MYO3B: variants seen among roughly 807,000 people sequenced by gnomAD.
MYO3B encodes myosin IIIB, also known as myosin-IIIb.
MYO3B carries 156 observed loss-of-function variants against 174.6 expected under a neutral mutation model. The ratio of observed to expected loss-of-function variants is 0.89; its 90% confidence interval spans 0.78 to 1.02. MYO3B has a LOEUF of 1.02. Among genes scored for constraint, MYO3B ranks in the 50% least tolerant of loss-of-function variants. The pLI, the probability that MYO3B is intolerant of heterozygous loss-of-function variation, is 0.00. For missense variants in MYO3B, 1,632 were observed against 1,639.4 expected, an observed-to-expected ratio of 1.00 and a Z score of 0.08; for synonymous variants, 563 against 569.1, an observed-to-expected ratio of 0.99 and a Z score of 0.15.
intron 32 of MYO3B, among the ~76,000 whole-genome samples, chr2:170,547,906 T>A (rs1405736133): frequency 1.3e-5 from 2 of 148,208 alleles, no homozygotes; most frequent in Non-Finnish European, 3.0e-5. Flanking sequence ...AGAGGGTGAG[T>A]TTGGGTGGTT....
intron 6 of MYO3B, among the ~76,000 whole-genome samples, chr2:170,232,084 C>T (rs545587646): frequency 2.6e-5 from 4 of 152,152 alleles, no homozygotes; most frequent in Admixed American, 6.5e-5. Flanking sequence ...TACTTGCCTT[C>T]GTCAGTCTCC....
At chr2:170,202,770 G>T (rs1025164798) in intron 3 of MYO3B, among the ~76,000 whole-genome samples, 1 of 152,092 alleles carries the variant, frequency 6.6e-6, no homozygotes, top group Non-Finnish European at 1.5e-5. Flanking sequence ...GCATGCTTTA[G>T]GGGACTCACA....
At chr2:170,227,695 A>G (rs538721491) in intron 6 of MYO3B, among the ~76,000 whole-genome samples, 4 of 152,182 alleles carry the variant, frequency 2.6e-5, no homozygotes, top group Non-Finnish European at 5.9e-5. Context: ...CTGGGTGAGG[A>G]CAGAAACCAC....
intron 7 of MYO3B, among the ~76,000 whole-genome samples, chr2:170,254,432 C>T (rs755398921): frequency 3.3e-5 from 5 of 152,130 alleles, no homozygotes; most frequent in South Asian, 4.2e-4. Flanking sequence ...CTGCGGGACT[C>T]GGGGGGGCGC....
intron 32 of MYO3B, among the ~76,000 whole-genome samples, chr2:170,613,211 A>G (rs1695228064): frequency 6.6e-6 from 1 of 152,156 alleles, no homozygotes. Context: ...AGAAGCATGA[A>G]AACAACCTCC....
chr2:170,554,426 T>C (rs1691143120), intron 32 of MYO3B, among the ~76,000 whole-genome samples: 1 of 152,166 alleles, frequency 6.6e-6, no homozygotes, highest in Non-Finnish European at 1.5e-5. Context: ...TCTGACTCTA[T>C]TGGAGGAGCT....
At chr2:170,298,365 A>G (rs1466618932) in intron 7 of MYO3B, among the ~76,000 whole-genome samples, 2 of 152,070 alleles carry the variant, frequency 1.3e-5, no homozygotes, top group Non-Finnish European at 2.9e-5. Flanking sequence ...TCTTAAACTA[A>G]AGGACTAGAA....
At chr2:170,633,459 A>T (rs1361504097) in intron 32 of MYO3B, among the ~76,000 whole-genome samples, 1 of 152,086 alleles carries the variant, frequency 6.6e-6, no homozygotes, top group African/African-American at 2.4e-5. Context: ...TAGGTATTCA[A>T]GGAACATATC....
chr2:170,441,590 T>A (rs533475157), intron 22 of MYO3B, among the ~76,000 whole-genome samples: 1 of 152,338 alleles, frequency 6.6e-6, no homozygotes, highest in South Asian at 2.1e-4. Context: ...TATGGTTATT[T>A]CTTGATTATA....
At chr2:170,458,835 A>C (rs1012828171) in intron 23 of MYO3B, among the ~76,000 whole-genome samples, 3 of 152,258 alleles carry the variant, frequency 2.0e-5, no homozygotes, top group Admixed American at 2.0e-4. Flanking sequence ...AATATACAAG[A>C]GATCCCTCAC....
intron 28 of MYO3B, among the ~76,000 whole-genome samples, chr2:170,509,015 G>A (rs1345562908): frequency 7.3e-6 from 1 of 137,278 alleles, no homozygotes; most frequent in Admixed American, 6.8e-5. Flanking sequence ...AACTTCACTG[G>A]GGGGGAAAAA....
chr2:170,355,073 G>T (rs946240225), intron 8 of MYO3B, among the ~76,000 whole-genome samples: 1 of 152,114 alleles, frequency 6.6e-6, no homozygotes, highest in Non-Finnish European at 1.5e-5. Flanking sequence ...AAAGCAGCAG[G>T]AGCAGTAATT....
intron 8 of MYO3B, among the ~76,000 whole-genome samples, chr2:170,351,668 CT>C (rs2094071575): frequency 6.6e-6 from 1 of 152,122 alleles, no homozygotes; most frequent in African/African-American, 2.4e-5. Flanking sequence ...AATCCTCTTC[CT>C]CCTCACCCTT....
chr2:170,344,006 G>T (rs1158051727), intron 8 of MYO3B, among the ~76,000 whole-genome samples: 1 of 152,252 alleles, frequency 6.6e-6, no homozygotes, highest in Non-Finnish European at 1.5e-5. Flanking sequence ...TACTGCTGGT[G>T]TGGCAGGGCC....
chr2:170,629,733 C>T (rs190483739), intron 32 of MYO3B, among the ~76,000 whole-genome samples: 7 of 152,204 alleles, frequency 4.6e-5, no homozygotes, highest in Non-Finnish European at 1.0e-4. Context: ...GCCTATAATC[C>T]CAGCTACTCA....
chr2:170,490,032 C>CTTTTTT, intron 25 of MYO3B, among the ~76,000 whole-genome samples: 1 of 139,648 alleles, frequency 7.2e-6, no homozygotes, highest in Non-Finnish European at 1.6e-5. Flanking sequence ...TCTTTTCTTT[C>CTTTTTT]TTTTTTTTTT....
chr2:170,498,682 C>CT lies in MYO3B; in HGVS notation c.3106dup (p.Trp1036LeufsTer16). Reference sequence around the variant, plus strand: ...TCTTGGAAAAGTCCAGATTAGATCACTGGGTACTGGGAAAAACAAAGGTAG... The same window carrying CT: ...TCTTGGAAAAGTCCAGATTAGATCACTTGGGTACTGGGAAAAACAAAGGTAG... On this transcript the variant is annotated frameshift_variant, in exon 26 of 35. Coordinates refer to ENST00000408978, the MANE Select transcript of MYO3B (RefSeq NM_138995.5). LOFTEE classifies it high-confidence loss of function. 1 of 1,610,190 alleles carries CT rather than the reference C, an allele frequency of 6.2e-7. No homozygotes were observed. The highest frequency in any genetic ancestry group is 1.7e-5 in the Admixed American group (1 of 60,000).
intron 7 of MYO3B, among the ~76,000 whole-genome samples, chr2:170,294,495 T>C (rs1482021042): frequency 6.6e-6 from 1 of 152,084 alleles, no homozygotes; most frequent in Non-Finnish European, 1.5e-5. Context: ...AATTTTATTT[T>C]ACTGTGGTTA....
At chr2:170,336,075 C>T (rs2093945674) in intron 8 of MYO3B, among the ~76,000 whole-genome samples, 1 of 152,048 alleles carries the variant, frequency 6.6e-6, no homozygotes, top group Non-Finnish European at 1.5e-5. Context: ...CCAATAGTGG[C>T]TCAGTGCTGG....
Sources: allele counts gnomAD v4.1 joint callset (sites outside exome capture counted in the v4.1 genomes callset), GRCh38; gene constraint gnomAD v4.1.1; transcripts MANE v1.5; gene names NCBI Gene and HGNC (gene_info 2026-07-23, HGNC 2026-07-21).